The following FNDC3B variants were observed in gnomAD, a reference collection of about 807,000 sequenced individuals.
FNDC3B encodes fibronectin type III domain containing 3B, also known as fibronectin type III domain-containing protein 3B.
Under a neutral mutation model 151.5 loss-of-function variants are expected in FNDC3B, and 12 were observed. The ratio of observed to expected loss-of-function variants is 0.08; its 90% CI spans 0.05 to 0.13. The LOEUF is 0.13. Among genes scored for constraint, FNDC3B ranks in the 10% least tolerant of loss-of-function variants. The pLI is 1.00. For synonymous variants in FNDC3B, 528 were observed against 549.0 expected, an observed-to-expected ratio of 0.96 and a Z score of 0.54; for missense variants, 1,214 against 1,505.3, an observed-to-expected ratio of 0.81 and a Z score of 3.20.
chr3:172,245,958 T>C (rs1042336660), intron 4 of FNDC3B, among the ~76,000 whole-genome samples: 2 of 152,206 alleles, frequency 1.3e-5, no homozygotes, highest in African/African-American at 4.8e-5. Flanking sequence ...TAATGGCCGT[T>C]CATTCAATCT....
At chr3:172,252,072 G>C (rs573566732) in intron 6 of FNDC3B, among the ~76,000 whole-genome samples, 1 of 152,192 alleles carries the variant, frequency 6.6e-6, no homozygotes, top group Non-Finnish European at 1.5e-5. Context: ...TAAGATGGAA[G>C]AATGAGGGCC....
Position 172,285,964 on chromosome 3 carries a change from T to C in FNDC3B, c.829T>C (p.Ser277Pro), listed in dbSNP as rs747760173. The change falls in exon 7 of 26, where the codon TCG becomes CCG. Residue 277 changes from serine to proline, a missense_variant. Coordinates refer to ENST00000415807, the MANE Select transcript of FNDC3B (RefSeq NM_022763.4). ...AGTAAAGAGGGTGCAAGACATTCTTTCGGGAATAGAGAAACCACAGGTATG... is the reference window on the plus strand; with the variant it reads ...AGTAAAGAGGGTGCAAGACATTCTTCCGGGAATAGAGAAACCACAGGTATG... ...LEVKRVQDIL[S>P]GIEKPQVSNI... 4.3e-6 allele frequency: 7 copies of C among 1,612,716 alleles called. No individual in the cohort carries two copies. The highest frequency in any genetic ancestry group is 5.9e-6 in the Non-Finnish European group (7 of 1,179,230).
intron 3 of FNDC3B, among the ~76,000 whole-genome samples, chr3:172,204,269 A>G (rs917828577): frequency 2.0e-5 from 3 of 152,200 alleles, no homozygotes; most frequent in African/African-American, 4.8e-5. Flanking sequence ...TGCACCGGAG[A>G]CGCTTCTTAA....
At chr3:172,169,614 A>G (rs1306403894) in intron 3 of FNDC3B, among the ~76,000 whole-genome samples, 1 of 152,212 alleles carries the variant, frequency 6.6e-6, no homozygotes, top group Non-Finnish European at 1.5e-5. Context: ...GCCGGCAGAG[A>G]AACCTTCTTA....
At chr3:172,240,550 A>G (rs1251176425) in intron 4 of FNDC3B, among the ~76,000 whole-genome samples, 1 of 152,150 alleles carries the variant, frequency 6.6e-6, no homozygotes, top group Non-Finnish European at 1.5e-5. Flanking sequence ...TTACTTCTCA[A>G]TATACAGCTT....
chr3:172,317,363 T>G, intron 11 of FNDC3B: 1 of 289,802 alleles, frequency 3.5e-6, no homozygotes, highest in Non-Finnish European at 6.9e-6. Flanking sequence ...TTTTTGTATT[T>G]TTAATAGAGA....
chr3:172,095,949 G>A (rs1719070257), intron 1 of FNDC3B, among the ~76,000 whole-genome samples: 1 of 152,222 alleles, frequency 6.6e-6, no homozygotes, highest in Non-Finnish European at 1.5e-5. Context: ...AAAATTGGCT[G>A]TAGAGTTTTG....
intron 1 of FNDC3B, among the ~76,000 whole-genome samples, chr3:172,044,494 A>C (rs559750691): frequency 7.0e-4 from 106 of 152,226 alleles, no homozygotes; most frequent in Non-Finnish European, 1.3e-3. Context: ...ATGTCTGTAA[A>C]TTATCTTTGA....
chr3:172,099,261 G>GT (rs1474559115), intron 1 of FNDC3B, among the ~76,000 whole-genome samples: 1 of 151,924 alleles, frequency 6.6e-6, no homozygotes, highest in Non-Finnish European at 1.5e-5. Flanking sequence ...GAAACTTGAG[G>GT]TTCTCATTTT....
intron 1 of FNDC3B, among the ~76,000 whole-genome samples, chr3:172,093,480 G>T (rs535433638): frequency 2.6e-5 from 4 of 151,596 alleles, no homozygotes; most frequent in African/African-American, 4.8e-5. Flanking sequence ...GGATGGTCTC[G>T]ATCTCCTGAC....
At chr3:172,304,896 GAA>G (rs1243755769) in intron 9 of FNDC3B, among the ~76,000 whole-genome samples, 4 of 85,574 alleles carry the variant, frequency 4.7e-5, no homozygotes, top group Admixed American at 1.4e-4. Context: ...GACTTCATCT[GAA>G]AAAAAAAAAA....
At chr3:172,363,377 C>A (rs1342231843) in intron 23 of FNDC3B, among the ~76,000 whole-genome samples, 2 of 152,120 alleles carry the variant, frequency 1.3e-5, no homozygotes, top group Non-Finnish European at 2.9e-5. Context: ...AGGAAACATT[C>A]TTGGCTGTCA....
intron 1 of FNDC3B, among the ~76,000 whole-genome samples, chr3:172,083,728 A>G (rs1718398780): frequency 6.6e-6 from 1 of 152,154 alleles, no homozygotes; most frequent in African/African-American, 2.4e-5. Context: ...AAAGAACTTG[A>G]TTTCTTCTGT....
At chr3:172,164,174 C>A (rs1722905169) in intron 3 of FNDC3B, among the ~76,000 whole-genome samples, 1 of 152,156 alleles carries the variant, frequency 6.6e-6, no homozygotes, top group South Asian at 2.1e-4. Flanking sequence ...ATGATGAGTA[C>A]TGTCAGATTA....
At chr3:172,052,129 G>A (rs1182074180) in intron 1 of FNDC3B, among the ~76,000 whole-genome samples, 2 of 151,086 alleles carry the variant, frequency 1.3e-5, no homozygotes, top group Non-Finnish European at 2.9e-5. Context: ...CTGCTGCCCA[G>A]GCTGGGGTGC....
At chr3:172,259,216 T>G (rs1349690213) in intron 6 of FNDC3B, among the ~76,000 whole-genome samples, 1 of 152,176 alleles carries the variant, frequency 6.6e-6, no homozygotes, top group Non-Finnish European at 1.5e-5. Flanking sequence ...GTCTGAAAAG[T>G]AAAAATAGTC....
chr3:172,286,074 GA>G, intron 7 of FNDC3B, 90 bp downstream of exon 7: 1 of 907,516 alleles, frequency 1.1e-6, no homozygotes, highest in Non-Finnish European at 1.8e-6. Context: ...AGTAGGTAAG[GA>G]AAAGGGCTCT....
intron 9 of FNDC3B, among the ~76,000 whole-genome samples, chr3:172,300,061 A>T (rs1730829011): frequency 6.6e-6 from 1 of 152,238 alleles, no homozygotes; most frequent in African/African-American, 2.4e-5. Context: ...CTCTCTTGCA[A>T]CCATCTCCTC....
chr3:172,248,254 G>A (rs1256402807), intron 5 of FNDC3B, among the ~76,000 whole-genome samples: 1 of 152,090 alleles, frequency 6.6e-6, no homozygotes, highest in Non-Finnish European at 1.5e-5. Flanking sequence ...TTCCTAAAAG[G>A]CTCTATGTTG....
Sources: gnomAD v4.1 joint callset for allele counts (sites outside exome capture counted in the v4.1 genomes callset) on GRCh38, gnomAD v4.1.1 for gene constraint, MANE v1.5 for transcripts, NCBI Gene and HGNC (gene_info 2026-07-23, HGNC 2026-07-21) for gene names.